The following OR6C74 variants were observed in gnomAD, a reference collection of about 807,000 sequenced individuals.
OR6C74 encodes the protein olfactory receptor family 6 subfamily C member 74, also known as olfactory receptor 6C74.
For synonymous variants in OR6C74, 142 were observed against 134.2 expected (o/e 1.06, Z -0.40); for missense variants, 361 against 362.9 (o/e 0.99, Z 0.04).
chr12:55,245,350 C>G (rs889302297), intron 1 of OR6C74, among the ~76,000 whole-genome samples: 3 of 151,972 alleles, frequency 2.0e-5, no homozygotes, highest in African/African-American at 7.2e-5. Context: ...GCATATGCCT[C>G]TAGTATTCAT....
rs1954319441 is a variant in OR6C74, at chr12:55,252,777, G to A, written c.*4551G>A. Reference sequence around the variant, plus strand: ...TGTTGTCATAGGGAAGGGAAAACTAGGCTATGTCTACTTATAAAATAAAAT... The same window carrying A: ...TGTTGTCATAGGGAAGGGAAAACTAAGCTATGTCTACTTATAAAATAAAAT... On this transcript the variant is annotated 3_prime_UTR_variant, in exon 2 of 2. Coordinates refer to ENST00000343399, the MANE Select transcript of OR6C74 (RefSeq NM_001005490.2). 6.6e-6 allele frequency among the ~76,000 whole-genome samples: 1 copy of A among 151,840 alleles called. No individual in the cohort carries two copies. Among genetic ancestry groups the A allele is most frequent in the Non-Finnish European group, 1.5e-5 (1 of 67,890 alleles).
rs1206200076 is a variant in OR6C74, at chr12:55,248,084, T to G, written c.797T>G (p.Val266Gly). 1 of 1,613,964 alleles carries G rather than the reference T, an allele frequency of 6.2e-7. No homozygotes were observed. ...GTGAAACCCTCAGCAAAAGAAAGAG[T>G]GTCATTAAATAAAGGGATAGCTCTG... Reference protein sequence around the residue: ...MYVKPSAKERVSLNKGIALLS... With the variant: ...MYVKPSAKERGSLNKGIALLS... Residue 266 changes from valine to glycine, a missense_variant, in exon 2 of 2, where the codon GTG (valine) becomes GGG (glycine). Val to Gly is a moderately radical substitution (Grantham distance 109, BLOSUM62 -3). Transcript: ENST00000343399.
At position 55,247,657 on chromosome 12, in the gene OR6C74, A is replaced by G. The variant is rs368227708; in HGVS notation, c.370A>G (p.Ile124Val). ...CATGTCCTATGAGCGCTATGTGGCC[A>G]TCTGCAAACCCCTGCATTACACCAC... ...AAMSYERYVA[I>V]CKPLHYTTIM... The change falls in exon 2 of 2, where the codon ATC becomes GTC. Residue 124 changes from isoleucine (I) to valine (V), a missense_variant. Transcript: ENST00000343399. 9.9e-6 allele frequency: 16 copies of G among 1,614,010 alleles called. No individual in the cohort carries two copies. The highest frequency in any genetic ancestry group is 2.2e-5 in the East Asian group (1 of 44,870).
At position 55,248,650 on chromosome 12, in the gene OR6C74, T is replaced by C. The variant is rs547193008; in HGVS notation, c.*424T>C. On this transcript the variant is annotated 3_prime_UTR_variant, in exon 2 of 2. Coordinates refer to ENST00000343399, the MANE Select transcript of OR6C74 (RefSeq NM_001005490.2). ...TATTGGTGGATACAAAAGTGAAATC[T>C]GCTTTCTTTCTTAGTGTTTAGTAGA... is the stretch of plus-strand genomic sequence containing the variant. 1.2e-4 allele frequency among the ~76,000 whole-genome samples: 19 copies of C among 152,328 alleles called. No individual in the cohort carries two copies. Among genetic ancestry groups the C allele is most frequent in the Non-Finnish European group, 2.2e-4 (15 of 68,032 alleles).
In OR6C74 at chr12:55,249,885, C is replaced by A. The variant is rs1278651084; in HGVS notation, c.*1659C>A. 6.6e-6 allele frequency among the ~76,000 whole-genome samples: 1 copy of A among 152,034 alleles called. No individual in the cohort carries two copies. The highest frequency in any genetic ancestry group is 1.5e-5 in the Non-Finnish European group (1 of 67,982). The stretch of plus-strand genomic sequence containing the variant: ...CTTGTCATTTACATTAGGTATATCT[C>A]CTAATGCTATCCCTCCCCTCTCCCC... On this transcript the variant is annotated 3_prime_UTR_variant, in exon 2 of 2. Transcript: ENST00000343399.
In OR6C74 at chr12:55,251,903, T is replaced by C. The variant is rs540430795; in HGVS notation, c.*3677T>C. 4.7e-4 allele frequency among the ~76,000 whole-genome samples: 72 copies of C among 151,750 alleles called. No individual in the cohort carries two copies. The highest frequency in any genetic ancestry group is 6.2e-4 in the Non-Finnish European group (42 of 67,792). On this transcript the variant is annotated 3_prime_UTR_variant, in exon 2 of 2. Transcript: ENST00000343399. ...AATTGCTTATAAGAAAAATAAATGCTACCTTCAAATATTAAGATTACTGTG... is the reference window on the plus strand; with the variant it reads ...AATTGCTTATAAGAAAAATAAATGCCACCTTCAAATATTAAGATTACTGTG...
intron 1 of OR6C74, among the ~76,000 whole-genome samples, chr12:55,246,197 A>C (rs1055955461): frequency 6.6e-6 from 1 of 152,204 alleles, no homozygotes; most frequent in Non-Finnish European, 1.5e-5. Flanking sequence ...AAAAATAAAA[A>C]AGTTAACATA....
chr12:55,249,874 T>C lies in OR6C74; in HGVS notation c.*1648T>C, dbSNP rs750860133. On this transcript the variant is annotated 3_prime_UTR_variant, in exon 2 of 2. Transcript: ENST00000343399. ...GCACCCATTAACTTGTCATTTACAT[T>C]AGGTATATCTCCTAATGCTATCCCT... Among the ~76,000 whole-genome samples the C allele has an allele frequency of 6.6e-6, 1 of 152,130 alleles. No individual in the cohort carries two copies.
intron 1 of OR6C74, among the ~76,000 whole-genome samples, chr12:55,245,829 TA>T (rs1256352743): frequency 8.5e-5 from 13 of 152,172 alleles, no homozygotes; most frequent in African/African-American, 2.4e-5. Context: ...TTTTTAATTT[TA>T]AAAAACTTCC....
chr12:55,247,950 G>A lies in OR6C74; in HGVS notation c.663G>A (p.Arg221=). The A allele has an allele frequency of 1.9e-6, 3 of 1,613,832 alleles. No individual in the cohort carries two copies. The highest frequency in any genetic ancestry group is 1.1e-5 in the South Asian group (1 of 91,062). ...LVILSYTNII[R]TILKIPSSQQ... ...TTCTCTCCTACACAAATATTATCAG[G>A]ACTATTCTGAAAATACCTTCTTCTC... Residue 221 remains arginine (R), a synonymous_variant, in exon 2 of 2, where the codon AGG becomes AGA. Coordinates refer to ENST00000343399, the MANE Select transcript of OR6C74 (RefSeq NM_001005490.2).
Position 55,250,239 on chromosome 12 carries a change from T to A in OR6C74, c.*2013T>A, listed in dbSNP as rs1439492250. On this transcript the variant is annotated 3_prime_UTR_variant, in exon 2 of 2. Coordinates refer to ENST00000343399, the MANE Select transcript of OR6C74 (RefSeq NM_001005490.2). ...TATTTTATATTTCTAAGTATTACATTGCTTACTTTTAAAACTTATTCTTTA... is the reference window on the plus strand; with the variant it reads ...TATTTTATATTTCTAAGTATTACATAGCTTACTTTTAAAACTTATTCTTTA... 2.0e-5 allele frequency among the ~76,000 whole-genome samples: 3 copies of A among 152,172 alleles called. No homozygotes were observed. The highest frequency in any genetic ancestry group is 7.2e-5 in the African/African-American group (3 of 41,456).
Position 55,254,833 on chromosome 12 carries a change from C to A in OR6C74, c.*6607C>A, listed in dbSNP as rs1954333055. On this transcript the variant is annotated 3_prime_UTR_variant, in exon 2 of 2. Coordinates refer to ENST00000343399, the MANE Select transcript of OR6C74 (RefSeq NM_001005490.2). ...CCATAGACTTGTAATATTCCATTTT[C>A]TTATGGTTGCAGCACTTCTCAGACC... Among the ~76,000 whole-genome samples, 1 of 152,030 alleles carries A rather than the reference C, an allele frequency of 6.6e-6. No homozygotes were observed. The highest frequency in any genetic ancestry group is 1.5e-5 in the Non-Finnish European group (1 of 67,976).
intron 1 of OR6C74, among the ~76,000 whole-genome samples, chr12:55,246,301 T>G (rs1954269741): frequency 6.6e-6 from 1 of 152,178 alleles, no homozygotes; most frequent in Admixed American, 6.5e-5. Context: ...GGGGGAAACA[T>G]GCAGAGCAGT....
At position 55,251,040 on chromosome 12, in the gene OR6C74, C is replaced by G. The variant is rs1191843651; in HGVS notation, c.*2814C>G. ...CTCTACTAATACATTATTGATGGTT[C>G]TCCGTTGCCTGCAAAATAATGACAA... On this transcript the variant is annotated 3_prime_UTR_variant, in exon 2 of 2. Coordinates refer to ENST00000343399, the MANE Select transcript of OR6C74 (RefSeq NM_001005490.2). 6.6e-6 allele frequency among the ~76,000 whole-genome samples: 1 copy of G among 152,040 alleles called. No homozygotes were observed. The highest frequency in any genetic ancestry group is 1.9e-4 in the East Asian group (1 of 5,174).
intron 1 of OR6C74, 31 bp from the exon 2 acceptor site, chr12:55,247,248 T>C (rs777051714): frequency 2.3e-6 from 3 of 1,301,234 alleles, no homozygotes; most frequent in South Asian, 1.4e-5. Context: ...TCCTCTTCTG[T>C]TCTAATTTTT....
In OR6C74 at chr12:55,247,496, C is replaced by G; in HGVS notation, c.209C>G (p.Ser70Ter). 1 of 1,613,694 alleles carries G rather than the reference C, an allele frequency of 6.2e-7. No homozygotes were observed. Among genetic ancestry groups the G allele is most frequent in the Non-Finnish European group, 8.5e-7 (1 of 1,179,782 alleles). ...CGAAATTTCTCATTTTTAGAAGTCT[C>G]ATTCACAACTGTCTACATTCCCAAA... ...FLRNFSFLEVSFTTVYIPKFL... is the reference protein window; with the variant it reads ...FLRNFSFLEV Residue 70 changes from serine (S) to a stop codon, truncating the protein, a stop_gained, in exon 2 of 2, where the codon TCA becomes TGA. Transcript: ENST00000343399. LOFTEE classifies it low-confidence loss of function (END_TRUNC).
rs1459057234 is a variant in OR6C74 at position 55,247,280 on chromosome 12, A to G, written c.-8A>G. Reference sequence around the variant, plus strand: ...TTTTCTTCTTATTTTTAAAAATAGAAATCAACTATGAGAAACCATACAACA... The same window carrying G: ...TTTTCTTCTTATTTTTAAAAATAGAGATCAACTATGAGAAACCATACAACA... On this transcript the variant is annotated splice_region_variant and 5_prime_UTR_variant, in exon 2 of 2. Transcript: ENST00000343399. 6.7e-7 allele frequency: 1 copy of G among 1,501,428 alleles called. No individual in the cohort carries two copies. The allele number at this position is 1,501,428 out of a possible 1,614,324, so 93.0% of individuals were successfully genotyped here.
rs1423567375 is a variant in OR6C74 at position 55,248,112 on chromosome 12, C to A, written c.825C>A (p.Leu275=). 4 of 1,613,586 alleles carry A rather than the reference C, an allele frequency of 2.5e-6. No homozygotes were observed. In the South Asian group the frequency reaches 3.3e-5, roughly 13 times the overall value. ...CATTAAATAAAGGGATAGCTCTGCT[C>A]AGCACTTCTGTTGCCCCCATGTTGA... ...RVSLNKGIAL[L]STSVAPMLNP... The change falls in exon 2 of 2, where the codon CTC becomes CTA. Residue 275 remains leucine, a synonymous_variant. Transcript: ENST00000343399.
intron 1 of OR6C74, among the ~76,000 whole-genome samples, chr12:55,246,989 T>C (rs1439581417): frequency 1.3e-5 from 2 of 152,200 alleles, no homozygotes; most frequent in African/African-American, 4.8e-5. Context: ...TGAAATATTA[T>C]GATAGTTCTT....
Sources: allele counts gnomAD v4.1 joint callset (sites outside exome capture counted in the v4.1 genomes callset), GRCh38; gene constraint gnomAD v4.1.1; transcripts MANE v1.5; gene names NCBI Gene and HGNC (gene_info 2026-07-23, HGNC 2026-07-21).